Variants in DPYD observed in about 807,000 individuals in gnomAD.
DPYD encodes the protein dihydropyrimidine dehydrogenase, also known as dihydropyrimidine dehydrogenase [NADP(+)].
In DPYD, 109 loss-of-function variants were observed where a neutral mutation model predicts 116.2. The ratio of observed to expected loss-of-function variants is 0.94; its 90% CI spans 0.80 to 1.10. DPYD has a LOEUF of 1.10. Ranked by LOEUF, DPYD falls within the 50% of genes least tolerant of loss-of-function variation. The pLI is 0.00. For synonymous variants in DPYD, 440 were observed against 432.0 expected, an observed-to-expected ratio of 1.02 and a Z score of -0.23; for missense variants, 1,302 against 1,254.5, an observed-to-expected ratio of 1.04 and a Z score of -0.57.
intron 16 of DPYD, among the ~76,000 whole-genome samples, chr1:97,319,950 T>C (rs1668134888): frequency 7.9e-6 from 1 of 126,710 alleles, no homozygotes; most frequent in South Asian, 2.7e-4. Context: ...ATAAATGTAA[T>C]ACAGCATATA....
chr1:97,516,189 A>G (rs1648224645), intron 12 of DPYD, among the ~76,000 whole-genome samples: 1 of 151,980 alleles, frequency 6.6e-6, no homozygotes, highest in African/African-American at 2.4e-5. Flanking sequence ...AAACAACTGT[A>G]TTTAAAACAT....
chr1:97,878,722 T>A (rs923380618), intron 2 of DPYD, among the ~76,000 whole-genome samples: 2 of 151,998 alleles, frequency 1.3e-5, no homozygotes, highest in African/African-American at 4.8e-5. Flanking sequence ...GCTAGACTGA[T>A]TCACCTAAAG....
At chr1:97,845,897 T>G (rs1019439245) in intron 2 of DPYD, among the ~76,000 whole-genome samples, 7 of 152,210 alleles carry the variant, frequency 4.6e-5, no homozygotes, top group Non-Finnish European at 7.3e-5. Flanking sequence ...CTGATCCAGC[T>G]GCAGCCTCAC....
chr1:97,396,473 G>A (rs75588123), intron 14 of DPYD, among the ~76,000 whole-genome samples: 5,106 of 151,692 alleles, frequency 0.034, 117 homozygotes, highest in Non-Finnish European at 0.052. Context: ...TATGATCTTC[G>A]CCAGTGAGTT....
chr1:97,457,496 T>C (rs1676750776), intron 13 of DPYD, among the ~76,000 whole-genome samples: 1 of 152,154 alleles, frequency 6.6e-6, no homozygotes, highest in Non-Finnish European at 1.5e-5. Context: ...GTTTGTTTTG[T>C]TTTTTGACCT....
intron 2 of DPYD, among the ~76,000 whole-genome samples, chr1:97,854,389 T>C (rs1311232533): frequency 1.3e-5 from 2 of 152,198 alleles, no homozygotes; most frequent in Non-Finnish European, 2.9e-5. Context: ...CAATAGTAGC[T>C]AAAAATAACA....
At chr1:97,786,080 A>G (rs72734038) in intron 3 of DPYD, among the ~76,000 whole-genome samples, 1 of 152,046 alleles carries the variant, frequency 6.6e-6, no homozygotes, top group Non-Finnish European at 1.5e-5. Context: ...AATTAAAAAA[A>G]AAAAAAAGAA....
At chr1:97,697,754 T>C (rs1392952943) in intron 6 of DPYD, among the ~76,000 whole-genome samples, 1 of 152,024 alleles carries the variant, frequency 6.6e-6, no homozygotes, top group Admixed American at 6.6e-5. Context: ...CAAATGCCTA[T>C]CCTGCATTTG....
chr1:97,721,775 T>C lies in DPYD; in HGVS notation c.322-104A>G. The stretch of plus-strand genomic sequence containing the variant: ...TTCTACTAGGTAATCAGATTGAAGA[T>C]AATGATGTGTATAAGATGCATAGGT... On this transcript the variant is annotated intron_variant, in intron 4 of 22. Transcript: ENST00000370192. The C allele has an allele frequency of 7.3e-6, 8 of 1,101,482 alleles. 1 individual carries two copies. The allele number at this position is 1,101,482 out of a possible 1,614,324, so 68.2% of individuals were successfully genotyped here. A position where few individuals can be genotyped will look rare whatever the true frequency, so the allele number is the denominator to read the frequency against.
intron 19 of DPYD, among the ~76,000 whole-genome samples, chr1:97,205,393 T>C (rs1232092789): frequency 6.6e-6 from 1 of 151,924 alleles, no homozygotes; most frequent in Admixed American, 6.6e-5. Flanking sequence ...TTTTCCAATA[T>C]GTCGTATAAT....
chr1:97,904,051 G>A (rs1332658387), intron 1 of DPYD, among the ~76,000 whole-genome samples: 1 of 151,790 alleles, frequency 6.6e-6, no homozygotes, highest in African/African-American at 2.4e-5. Flanking sequence ...AACAGAGGCT[G>A]TATTTACCCC....
intron 13 of DPYD, among the ~76,000 whole-genome samples, chr1:97,494,875 A>G (rs887575462): frequency 6.6e-6 from 1 of 152,170 alleles, no homozygotes. Context: ...CTCAAAAGTC[A>G]AAATACTGGG....
chr1:97,532,919 T>TG (rs1197276831), intron 12 of DPYD, among the ~76,000 whole-genome samples: 80 of 99,808 alleles, frequency 8.0e-4, no homozygotes, highest in African/African-American at 2.6e-3. Context: ...TTGTTTTTTT[T>TG]TTTTGTTGTT....
At chr1:97,292,322 G>C (rs1367739443) in intron 18 of DPYD, among the ~76,000 whole-genome samples, 1 of 152,098 alleles carries the variant, frequency 6.6e-6, no homozygotes, top group Admixed American at 6.5e-5. Flanking sequence ...CTGCAGGGCT[G>C]GGGAGACCTC....
chr1:97,598,639 C>CGAAG (rs1418885675), intron 8 of DPYD, among the ~76,000 whole-genome samples: 4 of 150,894 alleles, frequency 2.7e-5, no homozygotes, highest in Non-Finnish European at 4.4e-5. Context: ...GAGGGAGGAA[C>CGAAG]GAAGGAAGGA....
chr1:97,719,004 G>GA (rs955086966), intron 5 of DPYD, among the ~76,000 whole-genome samples: 3 of 150,860 alleles, frequency 2.0e-5, no homozygotes, highest in Admixed American at 6.6e-5. Flanking sequence ...TATTACTAGG[G>GA]AAAAAAAGTG....
chr1:97,612,775 G>C (rs533601631), intron 8 of DPYD, among the ~76,000 whole-genome samples: 1 of 151,966 alleles, frequency 6.6e-6, no homozygotes, highest in South Asian at 2.1e-4. Context: ...AGTTGGGCTT[G>C]TTTCTTCAAT....
intron 13 of DPYD, among the ~76,000 whole-genome samples, chr1:97,481,093 A>C (rs1009124986): frequency 3.9e-5 from 6 of 152,216 alleles, no homozygotes; most frequent in Admixed American, 1.3e-4. Context: ...TAAAATGATA[A>C]AGGCAAATAA....
chr1:97,410,880 A>G (rs1177877695), intron 14 of DPYD, among the ~76,000 whole-genome samples: 1 of 152,152 alleles, frequency 6.6e-6, no homozygotes, highest in East Asian at 1.9e-4. Context: ...TGTCCTACTT[A>G]CACAGAAAAA....
Sources: allele counts gnomAD v4.1 joint callset (sites outside exome capture counted in the v4.1 genomes callset), GRCh38; gene constraint gnomAD v4.1.1; transcripts MANE v1.5; gene names NCBI Gene and HGNC (gene_info 2026-07-23, HGNC 2026-07-21).